The following RBFOX1 variants were observed in gnomAD, a reference collection of about 807,000 sequenced individuals.
RBFOX1 encodes the protein RNA binding fox-1 homolog 1.
RBFOX1 carries 8 observed loss-of-function variants against 57.7 expected under a neutral mutation model. The ratio of observed to expected loss-of-function variants is 0.14; its 90% confidence interval spans 0.08 to 0.25. The LOEUF (loss-of-function observed/expected upper bound fraction) is 0.25. RBFOX1 is among the 10% of genes least tolerant of loss of function. The pLI, the probability that RBFOX1 is intolerant of heterozygous loss-of-function variation, is 1.00. For synonymous variants in RBFOX1, 326 were observed against 222.4 expected, an observed-to-expected ratio of 1.47 and a Z score of -4.15; for missense variants, 611 against 548.5, an observed-to-expected ratio of 1.11 and a Z score of -1.14.
At chr16:7,028,024 G>A (rs955178527) in intron 3 of RBFOX1, among the ~76,000 whole-genome samples, 1 of 151,978 alleles carries the variant, frequency 6.6e-6, no homozygotes, top group Non-Finnish European at 1.5e-5. Flanking sequence ...AGGAAAGAAA[G>A]GAAGCCTTAT....
intron 3 of RBFOX1, among the ~76,000 whole-genome samples, chr16:5,676,420 G>A (rs752029958): frequency 2.6e-5 from 4 of 152,170 alleles, no homozygotes; most frequent in Non-Finnish European, 4.4e-5. Flanking sequence ...AGGAAGTTAA[G>A]AGAGCAGACT....
intron 4 of RBFOX1, among the ~76,000 whole-genome samples, chr16:5,878,739 A>G (rs913741006): frequency 1.6e-4 from 25 of 152,202 alleles, no homozygotes; most frequent in African/African-American, 5.8e-4. Context: ...CTGTTGAGCT[A>G]TGAATAAATG....
chr16:6,429,594 T>A (rs116770886), intron 2 of RBFOX1, among the ~76,000 whole-genome samples: 2,080 of 152,278 alleles, frequency 0.014, 52 homozygotes, highest in African/African-American at 0.046. Flanking sequence ...CATTTTGAAA[T>A]GTAATAATCC....
rs904043920 is a variant in RBFOX1 at position 6,483,867 on chromosome 16, C to A, written c.-64+166810C>A. The stretch of plus-strand genomic sequence containing the variant: ...TGGATGGAATCCGGGAAACCCAAAC[C>A]GGAGATGGAAGGATGAGGCTGCGTT... On this transcript the variant is annotated intron_variant, in intron 2 of 15. Transcript: ENST00000550418. 5 of 1,178,210 alleles carry A rather than the reference C, an allele frequency of 4.2e-6. No individual in the cohort carries two copies. The East Asian group carries it at 2.1e-4, about 50-fold the overall frequency. 73.0% of individuals were successfully genotyped at this position (1,178,210 alleles called of 1,614,324 possible).
chr16:6,676,142 G>GCACACA lies in RBFOX1; in HGVS notation c.-16+21526_-16+21531dup, dbSNP rs59806354. 1.6e-3 allele frequency among the ~76,000 whole-genome samples: 228 copies of GCACACA among 145,958 alleles called. 3 individuals carry two copies. Among genetic ancestry groups the GCACACA allele is most frequent in the African/African-American group, 5.2e-3 (201 of 38,810 alleles). On this transcript the variant is annotated intron_variant, in intron 3 of 15. Coordinates refer to ENST00000550418, the MANE Select transcript of RBFOX1 (RefSeq NM_018723.4). ...CTGCCTAGGGGACACACACACACGC[G>GCACACA]CACACACACACACACACACACACAC... is the stretch of plus-strand genomic sequence containing the variant.
At chr16:7,045,379 T>C (rs2047558955) in intron 3 of RBFOX1, among the ~76,000 whole-genome samples, 1 of 152,224 alleles carries the variant, frequency 6.6e-6, no homozygotes, top group South Asian at 2.1e-4. Context: ...ATGTCTACTA[T>C]AGAGATTACT....
At chr16:6,615,568 TAAAAA>T (rs59851539) in intron 2 of RBFOX1, among the ~76,000 whole-genome samples, 1 of 138,896 alleles carries the variant, frequency 7.2e-6, no homozygotes, top group Non-Finnish European at 1.6e-5. Context: ...AATCTCCATC[TAAAAA>T]AAAAAAAAAA....
chr16:5,456,760 G>A (rs2068642328), intron 1 of RBFOX1, among the ~76,000 whole-genome samples: 1 of 152,148 alleles, frequency 6.6e-6, no homozygotes. Context: ...CCCCTGTGAA[G>A]GGCAGCCCTG....
At chr16:5,756,719 A>G (rs1456336549) in intron 3 of RBFOX1, among the ~76,000 whole-genome samples, 1 of 152,302 alleles carries the variant, frequency 6.6e-6, no homozygotes, top group South Asian at 2.1e-4. Context: ...AGAAAGGCTT[A>G]TACCTAATTC....
chr16:7,281,302 G>A (rs80226745), intron 4 of RBFOX1, among the ~76,000 whole-genome samples: 4,480 of 151,552 alleles, frequency 0.03, 104 homozygotes, highest in East Asian at 0.12. Flanking sequence ...CGTGCCCAGT[G>A]CAATTGCATG....
intron 10 of RBFOX1, among the ~76,000 whole-genome samples, chr16:7,612,996 G>A (rs1367218345): frequency 1.3e-5 from 2 of 152,210 alleles, no homozygotes; most frequent in African/African-American, 4.8e-5. Context: ...AATTGGAATT[G>A]AGTTAAATTA....
chr16:7,136,025 C>T (rs762885259), intron 4 of RBFOX1, among the ~76,000 whole-genome samples: 6 of 152,186 alleles, frequency 3.9e-5, no homozygotes, highest in Admixed American at 6.6e-5. Flanking sequence ...TCATTGAAGC[C>T]TGAAGGAGTA....
At chr16:6,427,464 G>A (rs1418943441) in intron 2 of RBFOX1, among the ~76,000 whole-genome samples, 3 of 152,182 alleles carry the variant, frequency 2.0e-5, no homozygotes, top group African/African-American at 7.2e-5. Flanking sequence ...GAAAGTGCCG[G>A]TGAGAATTTA....
At position 5,599,137 on chromosome 16, in the gene RBFOX1, T is replaced by TGTTAGGA. The variant is rs746917503; in HGVS notation, c.494_495insGTTAGGA (p.Ser166LeufsTer100). ...TTTTCCAGAGCACTTGCACAATTTC[T>TGTTAGGA]ATCACTTGGGCCGTATTCCCAGCCT... On this transcript the variant is annotated frameshift_variant, in exon 3 of 3. Coordinates refer to the RBFOX1 transcript ENST00000585867. LOFTEE classifies it low-confidence loss of function (END_TRUNC). 222 of 570,964 alleles carry TGTTAGGA rather than the reference T, an allele frequency of 3.9e-4. 1 individual carries two copies. In the East Asian group the frequency reaches 5.4e-3, roughly 14 times the overall value. The allele number at this position is 570,964 out of a possible 1,614,324, so 35.4% of individuals were successfully genotyped here.
intron 1 of RBFOX1, among the ~76,000 whole-genome samples, chr16:6,194,130 C>G (rs564554909): frequency 6.6e-6 from 1 of 152,112 alleles, no homozygotes; most frequent in Non-Finnish European, 1.5e-5. Context: ...CGTTCCTTCC[C>G]TCATCCTCTC....
chr16:6,304,409 C>G (rs1294806932), intron 1 of RBFOX1, among the ~76,000 whole-genome samples: 3 of 152,080 alleles, frequency 2.0e-5, no homozygotes, highest in Non-Finnish European at 2.9e-5. Flanking sequence ...ATTACTGTAT[C>G]CCTCCTCCGT....
intron 15 of RBFOX1, chr16:7,709,576 C>A (rs1481951190): frequency 6.5e-7 from 1 of 1,529,590 alleles, no homozygotes; most frequent in Non-Finnish European, 8.8e-7. Context: ...AGCTGAGAAT[C>A]TGACTGCCTC....
At chr16:5,318,295 A>C (rs902991414) in intron 1 of RBFOX1, among the ~76,000 whole-genome samples, 2 of 151,972 alleles carry the variant, frequency 1.3e-5, no homozygotes, top group African/African-American at 2.4e-5. Context: ...CACCCGGCTG[A>C]TTTTTGTATT....
chr16:6,406,240 C>T (rs1191639743), intron 2 of RBFOX1, among the ~76,000 whole-genome samples: 1 of 152,186 alleles, frequency 6.6e-6, no homozygotes, highest in Non-Finnish European at 1.5e-5. Context: ...TTTACAGAGG[C>T]AATACCCATT....
Sources: gnomAD v4.1 joint callset for allele counts (sites outside exome capture counted in the v4.1 genomes callset) on GRCh38, gnomAD v4.1.1 for gene constraint, MANE v1.5 for transcripts, NCBI Gene and HGNC (gene_info 2026-07-23, HGNC 2026-07-21) for gene names.